FBXO38: variants seen among roughly 807,000 people sequenced by gnomAD.
FBXO38 encodes F-box only protein 38.
In FBXO38, 53 loss-of-function variants were observed where a neutral mutation model predicts 131.9. The ratio of observed to expected loss-of-function variants is 0.40; its 90% CI spans 0.32 to 0.51. The LOEUF is 0.51. Ranked by LOEUF, FBXO38 falls within the 20% of genes least tolerant of loss-of-function variation. The probability of loss-of-function intolerance (pLI) is 0.53; values close to 1 mark genes in which losing one functional copy is unlikely to be tolerated. For synonymous variants in FBXO38, 452 were observed against 505.6 expected, an observed-to-expected ratio of 0.89 and a Z score of 1.42; for missense variants, 1,076 against 1,475.6, an observed-to-expected ratio of 0.73 and a Z score of 4.44.
intron 20 of FBXO38, 116 bp downstream of exon 20, chr5:148,440,643 C>T (rs1206695878): frequency 1.1e-5 from 7 of 615,236 alleles, no homozygotes; most frequent in South Asian, 2.3e-5. Flanking sequence ...AGTTCAAGAC[C>T]GGCCTGGGAA....
intron 13 of FBXO38, 118 bp downstream of exon 13, chr5:148,424,235 G>A (rs1230727065): frequency 1.9e-5 from 19 of 987,544 alleles, no homozygotes; most frequent in Non-Finnish European, 2.7e-5. Flanking sequence ...TACGTTTTAT[G>A]CTATTGATTA....
At chr5:148,433,847 T>C in intron 17 of FBXO38, 110 bp downstream of exon 17, 2 of 586,068 alleles carry the variant, frequency 3.4e-6, no homozygotes, top group Non-Finnish European at 6.0e-6. Flanking sequence ...AAGGAAATAT[T>C]GTGTTGGGTT....
intron 8 of FBXO38, 45 bp downstream of exon 8, chr5:148,409,262 A>G (rs1357823675): frequency 7.8e-7 from 1 of 1,280,698 alleles, no homozygotes; most frequent in Non-Finnish European, 1.1e-6. Flanking sequence ...AGAAGTAATT[A>G]TGTTTTTCCC....
chr5:148,435,795 G>A (rs763586835), intron 17 of FBXO38, among the ~76,000 whole-genome samples: 11 of 152,012 alleles, frequency 7.2e-5, no homozygotes, highest in African/African-American at 1.2e-4. Flanking sequence ...AAAATACAGT[G>A]AGATTTGTGA....
Position 148,417,213 on chromosome 5 carries a change from G to A in FBXO38, c.1618+9G>A, listed in dbSNP as rs754432486. 2 of 1,554,646 alleles carry A rather than the reference G, an allele frequency of 1.3e-6. No homozygotes were observed. Among genetic ancestry groups the A allele is most frequent in the East Asian group, 4.5e-5 (2 of 44,624 alleles). On this transcript the variant is annotated intron_variant, in intron 12 of 21. Coordinates refer to ENST00000340253, the MANE Select transcript of FBXO38 (RefSeq NM_205836.3). ...GCAGTTTGCAGCTGACGGTAACCCAGATCTTTTATGAGCTCCAGATAGAAA... is the reference window on the plus strand; with the variant it reads ...GCAGTTTGCAGCTGACGGTAACCCAAATCTTTTATGAGCTCCAGATAGAAA...
At chr5:148,387,597 G>A (rs1356953958) in intron 1 of FBXO38, among the ~76,000 whole-genome samples, 2 of 151,834 alleles carry the variant, frequency 1.3e-5, no homozygotes. Flanking sequence ...CTTCTAGAAT[G>A]TGTATCCTTT....
chr5:148,400,743 A>G (rs1026797941), intron 3 of FBXO38, among the ~76,000 whole-genome samples: 1 of 152,150 alleles, frequency 6.6e-6, no homozygotes, highest in African/African-American at 2.4e-5. Flanking sequence ...GGGAGGCAAC[A>G]TGTATGACAA....
At chr5:148,433,808 T>C in intron 17 of FBXO38, 71 bp downstream of exon 17, 2 of 766,864 alleles carry the variant, frequency 2.6e-6, no homozygotes, top group Non-Finnish European at 4.3e-6. Context: ...TCATAAATAC[T>C]GTAATAGCAT....
At chr5:148,436,246 G>GTA (rs1162207287) in intron 17 of FBXO38, among the ~76,000 whole-genome samples, 2 of 151,854 alleles carry the variant, frequency 1.3e-5, no homozygotes, top group Non-Finnish European at 2.9e-5. Context: ...GCCTGTATAT[G>GTA]TATATATATA....
intron 15 of FBXO38, among the ~76,000 whole-genome samples, chr5:148,432,314 A>T (rs916157647): frequency 5.3e-5 from 8 of 152,358 alleles, no homozygotes; most frequent in African/African-American, 1.7e-4. Context: ...TTTAAATTAA[A>T]TAAGGACAAT....
chr5:148,389,431 T>G (rs1194419994), intron 1 of FBXO38, among the ~76,000 whole-genome samples: 1 of 152,230 alleles, frequency 6.6e-6, no homozygotes, highest in Non-Finnish European at 1.5e-5. Flanking sequence ...TATACCTGTA[T>G]TCACCTGTCC....
chr5:148,403,615 T>C (rs1233129850), intron 5 of FBXO38, among the ~76,000 whole-genome samples: 4 of 152,160 alleles, frequency 2.6e-5, no homozygotes, highest in Non-Finnish European at 4.4e-5. Context: ...TAATTTTACT[T>C]CCCATTTGTT....
At chr5:148,435,952 CACA>C (rs1169988522) in intron 17 of FBXO38, among the ~76,000 whole-genome samples, 1 of 152,140 alleles carries the variant, frequency 6.6e-6, no homozygotes, top group African/African-American at 2.4e-5. Flanking sequence ...TCAGGACACA[CACA>C]ACATTTATTA....
chr5:148,442,403 A>G lies in FBXO38; in HGVS notation c.*256A>G, dbSNP rs1174858210. Reference sequence around the variant, plus strand: ...TAAAAATTCATTTTAAGGAAGACAGATAATTTGAAAGACTTTTGTTTTTCT... The same window carrying G: ...TAAAAATTCATTTTAAGGAAGACAGGTAATTTGAAAGACTTTTGTTTTTCT... On this transcript the variant is annotated 3_prime_UTR_variant, in exon 22 of 22. Transcript: ENST00000340253. The G allele has an allele frequency of 1.5e-5, 4 of 266,702 alleles. No homozygotes were observed. The East Asian group carries it at 2.7e-4, about 18-fold the overall frequency. 16.5% of individuals were successfully genotyped at this position (266,702 alleles called of 1,614,324 possible).
At chr5:148,420,799 G>C (rs1460127309) in intron 12 of FBXO38, among the ~76,000 whole-genome samples, 1 of 151,922 alleles carries the variant, frequency 6.6e-6, no homozygotes, top group Admixed American at 6.6e-5. Context: ...CAGTTATTCG[G>C]CTGTGTGAGG....
At chr5:148,439,613 T>C (rs1754555431) in intron 18 of FBXO38, 34 bp from the exon 19 acceptor site, 1 of 1,599,534 alleles carries the variant, frequency 6.3e-7, no homozygotes, top group Non-Finnish European at 8.5e-7. Flanking sequence ...GCATTCTCTT[T>C]GTTGAAGACA....
chr5:148,390,726 T>C (rs1339896361), intron 1 of FBXO38, among the ~76,000 whole-genome samples: 1 of 152,172 alleles, frequency 6.6e-6, no homozygotes, highest in East Asian at 1.9e-4. Flanking sequence ...CTCAATGATA[T>C]TTAAGGTGCA....
At chr5:148,396,463 A>G (rs1581228840) in intron 2 of FBXO38, among the ~76,000 whole-genome samples, 1 of 152,288 alleles carries the variant, frequency 6.6e-6, no homozygotes, top group African/African-American at 2.4e-5. Flanking sequence ...CCTACAAACC[A>G]TTTGGAGAAA....
chr5:148,416,225 A>G (rs1196369328), intron 11 of FBXO38, among the ~76,000 whole-genome samples, 155 bp downstream of exon 11: 1 of 151,644 alleles, frequency 6.6e-6, no homozygotes, highest in Non-Finnish European at 1.5e-5. Context: ...TAAAGGTTGT[A>G]ATAATGCATA....
Sources: allele counts gnomAD v4.1 joint callset (sites outside exome capture counted in the v4.1 genomes callset), GRCh38; gene constraint gnomAD v4.1.1; transcripts MANE v1.5; gene names NCBI Gene and HGNC (gene_info 2026-07-23, HGNC 2026-07-21).